Variants in FNIP1 observed in about 807,000 individuals in gnomAD.
The protein encoded by FNIP1 is folliculin-interacting protein 1.
Under a neutral mutation model 124.5 loss-of-function variants are expected in FNIP1, and 40 were observed. That is an observed-to-expected ratio of 0.32 (90% CI 0.25 to 0.42). FNIP1 has a LOEUF of 0.42. FNIP1 is among the 10% of genes least tolerant of loss of function. The pLI is 1.00. For missense variants in FNIP1, 1,176 were observed against 1,403.7 expected (o/e 0.84, Z 2.59); for synonymous variants, 472 against 470.6 (o/e 1.00, Z -0.04).
At chr5:131,753,192 A>T (rs903577033) in intron 1 of FNIP1, among the ~76,000 whole-genome samples, 7 of 152,250 alleles carry the variant, frequency 4.6e-5, no homozygotes, top group Non-Finnish European at 8.8e-5. Flanking sequence ...TGGAACTCCC[A>T]TACATTGTTA....
At chr5:131,661,127 T>C (rs141429984) in intron 15 of FNIP1, among the ~76,000 whole-genome samples, 2 of 152,202 alleles carry the variant, frequency 1.3e-5, no homozygotes, top group Admixed American at 6.5e-5. Flanking sequence ...CAGGAAGATT[T>C]CAGGGAGGTT....
At chr5:131,703,311 A>G (rs1372440901) in intron 10 of FNIP1, among the ~76,000 whole-genome samples, 1 of 152,226 alleles carries the variant, frequency 6.6e-6, no homozygotes, top group Non-Finnish European at 1.5e-5. Context: ...TTGGTCTCAC[A>G]ACATCTACTT....
At chr5:131,685,840 C>A (rs984706445) in intron 11 of FNIP1, among the ~76,000 whole-genome samples, 2 of 151,916 alleles carry the variant, frequency 1.3e-5, no homozygotes, top group Admixed American at 1.3e-4. Flanking sequence ...TAAATTTAGA[C>A]AAATACAAGG....
At chr5:131,742,901 T>A (rs1770557533) in intron 2 of FNIP1, among the ~76,000 whole-genome samples, 1 of 152,182 alleles carries the variant, frequency 6.6e-6, no homozygotes, top group Admixed American at 6.5e-5. Flanking sequence ...AAAATAAACT[T>A]CCTAACAGTA....
chr5:131,766,026 A>T (rs548491144), intron 1 of FNIP1, among the ~76,000 whole-genome samples: 53 of 152,286 alleles, frequency 3.5e-4, no homozygotes, highest in Admixed American at 2.6e-3. Flanking sequence ...GATTCCAACT[A>T]GTAAATTTCA....
rs564697504 is a variant in FNIP1 at position 131,790,401 on chromosome 5, C to T, written c.92+6429G>A. On this transcript the variant is annotated intron_variant, in intron 1 of 17. Transcript: ENST00000510461. Reference sequence around the variant, plus strand: ...GGCTGAGGTGGGGAGATGGCTTAAGCCCAGGAGGCGGAGGTTGCAGTGACC... The same window carrying T: ...GGCTGAGGTGGGGAGATGGCTTAAGTCCAGGAGGCGGAGGTTGCAGTGACC... Among the ~76,000 whole-genome samples the T allele has an allele frequency of 4.8e-5, 7 of 145,158 alleles. No individual in the cohort carries two copies. The South Asian group carries it at 1.5e-3, about 32-fold the overall frequency.
chr5:131,710,703 T>TA (rs755710006), intron 6 of FNIP1, 42 bp from the exon 7 acceptor site: 1 of 1,572,600 alleles, frequency 6.4e-7, no homozygotes, highest in Non-Finnish European at 8.7e-7. Context: ...AGAGGACTGT[T>TA]AGAGAAGCCA....
chr5:131,742,724 T>C (rs1298401471), intron 2 of FNIP1, among the ~76,000 whole-genome samples: 2 of 152,244 alleles, frequency 1.3e-5, no homozygotes, highest in Non-Finnish European at 2.9e-5. Flanking sequence ...ATAATGTCTT[T>C]ATTATGTATG....
In FNIP1 at chr5:131,680,810, G is replaced by A. The variant is rs1370896223; in HGVS notation, c.1203-1635C>T. 3.3e-5 allele frequency among the ~76,000 whole-genome samples: 5 copies of A among 152,128 alleles called. No individual in the cohort carries two copies. The East Asian group carries it at 5.8e-4, about 18-fold the overall frequency. ...AAAAAATTGCCAAGGAACTATTACT[G>A]AAAATTAAAATTAGAGATTTCATGA... is the stretch of plus-strand genomic sequence containing the variant. On this transcript the variant is annotated intron_variant, in intron 11 of 17. Transcript: ENST00000510461.
Position 131,744,597 on chromosome 5 carries a change from A to T in FNIP1, c.186T>A (p.Ser62Arg). Residue 62 changes from serine to arginine, a missense_variant, in exon 2 of 18, where the codon AGT (serine) becomes AGA (arginine). By Grantham distance (110) the Ser-to-Arg change is moderately radical. Coordinates refer to ENST00000510461, the MANE Select transcript of FNIP1 (RefSeq NM_133372.3). ...ATATGTCCTCATTTCTTCTCTTAAC[A>T]CTGGAGTCAAACAAAACATTTCTCC... ...RRGRNVLFDS[S>R]VKRRNEDISV... is the part of the protein sequence containing the mutation. 1 of 1,609,958 alleles carries T rather than the reference A, an allele frequency of 6.2e-7. No individual in the cohort carries two copies.
At chr5:131,736,335 C>T (rs1463524519) in intron 2 of FNIP1, among the ~76,000 whole-genome samples, 3 of 152,146 alleles carry the variant, frequency 2.0e-5, no homozygotes, top group African/African-American at 7.2e-5. Context: ...ACGTGAAGCT[C>T]AAACAGGTTA....
At chr5:131,748,696 C>A (rs371709203) in intron 1 of FNIP1, among the ~76,000 whole-genome samples, 1,031 of 99,462 alleles carry the variant, frequency 0.01, no homozygotes, top group East Asian at 0.016. Flanking sequence ...GACTCTGTCT[C>A]AAAAAAAAAA....
intron 6 of FNIP1, among the ~76,000 whole-genome samples, chr5:131,714,405 T>C (rs1769398722): frequency 1.3e-5 from 2 of 152,166 alleles, no homozygotes; most frequent in South Asian, 2.1e-4. Context: ...TGTTTAATCC[T>C]GTCTTTGGCA....
intron 1 of FNIP1, among the ~76,000 whole-genome samples, chr5:131,787,827 G>A (rs143914971): frequency 2.6e-5 from 4 of 152,218 alleles, no homozygotes; most frequent in African/African-American, 9.6e-5. Context: ...AGAACAGTGT[G>A]GGGCCAGGTG....
At chr5:131,732,669 T>G (rs527649054) in intron 2 of FNIP1, among the ~76,000 whole-genome samples, 73 of 152,266 alleles carry the variant, frequency 4.8e-4, no homozygotes, top group Non-Finnish European at 9.1e-4. Flanking sequence ...TGAGGGCTCT[T>G]TACTGTTCCA....
chr5:131,691,408 C>G (rs1384081516), intron 11 of FNIP1, among the ~76,000 whole-genome samples: 3 of 152,104 alleles, frequency 2.0e-5, no homozygotes, highest in African/African-American at 4.8e-5. Flanking sequence ...AATCAACGAT[C>G]TAAGCTTTAA....
At chr5:131,684,649 C>A (rs1217268093) in intron 11 of FNIP1, among the ~76,000 whole-genome samples, 1 of 152,058 alleles carries the variant, frequency 6.6e-6, no homozygotes, top group Non-Finnish European at 1.5e-5. Context: ...AATTGACTCA[C>A]AAGTATTTAA....
chr5:131,723,455 T>C (rs370893011), intron 3 of FNIP1, among the ~76,000 whole-genome samples: 1 of 152,334 alleles, frequency 6.6e-6, no homozygotes, highest in Non-Finnish European at 1.5e-5. Context: ...TATAGTTTAC[T>C]ACTAAGGTTC....
chr5:131,724,319 CCCA>C (rs879495743), intron 3 of FNIP1, among the ~76,000 whole-genome samples: 2 of 152,164 alleles, frequency 1.3e-5, no homozygotes, highest in Admixed American at 6.5e-5. Context: ...AATTTACACT[CCCA>C]CCAACAGTGT....
Sources: gnomAD v4.1 joint callset for allele counts (sites outside exome capture counted in the v4.1 genomes callset) on GRCh38, gnomAD v4.1.1 for gene constraint, MANE v1.5 for transcripts, NCBI Gene and HGNC (gene_info 2026-07-23, HGNC 2026-07-21) for gene names.